The following ARHGAP42 variants were observed in gnomAD, a reference collection of about 807,000 sequenced individuals.
The protein encoded by ARHGAP42 is Rho GTPase activating protein 42.
A neutral mutation model predicts 125.0 loss-of-function variants in ARHGAP42; 63 were observed. The observed-to-expected ratio is 0.50, with a 90% confidence interval of 0.41 to 0.62. The LOEUF (loss-of-function observed/expected upper bound fraction) is 0.62, where lower values mean the gene tolerates loss of function less well. ARHGAP42 is among the 20% of genes least tolerant of loss of function. The pLI, the probability that ARHGAP42 is intolerant of heterozygous loss-of-function variation, is 0.00. For missense variants in ARHGAP42, 766 were observed against 1,024.2 expected (o/e 0.75, Z 3.44); for synonymous variants, 339 against 351.0 (o/e 0.97, Z 0.38).
At chr11:100,871,976 C>G (rs1034126812) in intron 4 of ARHGAP42, among the ~76,000 whole-genome samples, 1 of 152,186 alleles carries the variant, frequency 6.6e-6, no homozygotes, top group Non-Finnish European at 1.5e-5. Flanking sequence ...CTCCTGACCT[C>G]GGGTGATCCG....
chr11:100,838,703 C>CA (rs1425201376), intron 3 of ARHGAP42, among the ~76,000 whole-genome samples: 2 of 145,500 alleles, frequency 1.4e-5, no homozygotes, highest in African/African-American at 5.0e-5. Flanking sequence ...AAAAACAAAA[C>CA]AAAATAAAAC....
intron 3 of ARHGAP42, among the ~76,000 whole-genome samples, chr11:100,841,038 A>G (rs1283644494): frequency 6.6e-6 from 1 of 152,160 alleles, no homozygotes; most frequent in Non-Finnish European, 1.5e-5. Context: ...CATGTGAAGA[A>G]CAGATTCATT....
rs779856225 is a variant in ARHGAP42, at chr11:100,992,658, C to T, written c.*3857C>T. The T allele has an allele frequency of 3.7e-6, 6 of 1,609,836 alleles. No homozygotes were observed. The highest frequency in any genetic ancestry group is 2.2e-5 in the East Asian group (1 of 44,834). On this transcript the variant is annotated 3_prime_UTR_variant, in exon 24 of 24. Transcript: ENST00000298815. The stretch of plus-strand genomic sequence containing the variant: ...CCCCTGCTTCAAAATGTGCCAGTTC[C>T]ACTTGGTAATAACGTTGGGAAAATG...
intron 4 of ARHGAP42, among the ~76,000 whole-genome samples, chr11:100,894,222 T>G (rs1866287353): frequency 1.3e-5 from 2 of 152,238 alleles, no homozygotes; most frequent in Non-Finnish European, 2.9e-5. Context: ...GTGTAAGGTA[T>G]GCCCAGCCCT....
intron 3 of ARHGAP42, among the ~76,000 whole-genome samples, chr11:100,845,642 G>A (rs1865048058): frequency 6.6e-6 from 1 of 152,148 alleles, no homozygotes; most frequent in Non-Finnish European, 1.5e-5. Context: ...AATAAAGGCT[G>A]AAGAAAACCT....
At chr11:100,918,353 G>A (rs1867133913) in intron 5 of ARHGAP42, among the ~76,000 whole-genome samples, 1 of 152,048 alleles carries the variant, frequency 6.6e-6, no homozygotes, top group Non-Finnish European at 1.5e-5. Flanking sequence ...GCCTTTCCCT[G>A]TCTTTTGAAT....
intron 3 of ARHGAP42, among the ~76,000 whole-genome samples, chr11:100,796,431 C>T (rs1739288489): frequency 6.6e-6 from 1 of 152,150 alleles, no homozygotes; most frequent in Non-Finnish European, 1.5e-5. Context: ...CTTACAGTGG[C>T]CTCTAAGTGT....
intron 7 of ARHGAP42, among the ~76,000 whole-genome samples, chr11:100,934,977 A>G (rs1565283425): frequency 6.6e-6 from 1 of 152,134 alleles, no homozygotes; most frequent in Non-Finnish European, 1.5e-5. Flanking sequence ...AAGCTGACGT[A>G]TTTTTATGAT....
chr11:100,838,058 T>C (rs1864857622), intron 3 of ARHGAP42, among the ~76,000 whole-genome samples: 1 of 151,700 alleles, frequency 6.6e-6, no homozygotes, highest in Non-Finnish European at 1.5e-5. Context: ...CCTCAGTTCC[T>C]GAGTCTGTCT....
In ARHGAP42 at chr11:100,960,832, T is replaced by C. The variant is rs12291372; in HGVS notation, c.1226-83T>C. ...TGGATAAGTAGCTTTCAAATTTTGTTAGGCATATGTCTGAGTTTTTAACAT... is the reference window on the plus strand; with the variant it reads ...TGGATAAGTAGCTTTCAAATTTTGTCAGGCATATGTCTGAGTTTTTAACAT... On this transcript the variant is annotated intron_variant, in intron 13 of 23. Transcript: ENST00000298815. 3.4e-3 allele frequency: 2,728 copies of C among 809,946 alleles called. 47 individuals are homozygous for C. In the African/African-American group the frequency reaches 0.042, roughly 13 times the overall value. The allele number at this position is 809,946 out of a possible 1,614,324, so 50.2% of individuals were successfully genotyped here.
intron 6 of ARHGAP42, among the ~76,000 whole-genome samples, chr11:100,921,904 A>G (rs1247140898): frequency 2.0e-5 from 3 of 151,868 alleles, no homozygotes; most frequent in Non-Finnish European, 1.5e-5. Context: ...ATGTATTAGC[A>G]TTGTTTCATC....
At chr11:100,820,575 A>G (rs1442611047) in intron 3 of ARHGAP42, among the ~76,000 whole-genome samples, 4 of 152,146 alleles carry the variant, frequency 2.6e-5, no homozygotes, top group Non-Finnish European at 5.9e-5. Context: ...ATTATAGCTA[A>G]TAGATCAGTT....
chr11:100,747,141 A>G (rs1431831007), intron 1 of ARHGAP42, among the ~76,000 whole-genome samples: 1 of 152,188 alleles, frequency 6.6e-6, no homozygotes, highest in Admixed American at 6.5e-5. Context: ...AGGGAGGAGA[A>G]GGTGGAGGAT....
intron 8 of ARHGAP42, among the ~76,000 whole-genome samples, chr11:100,937,111 G>A (rs1867758028): frequency 6.6e-6 from 1 of 152,182 alleles, no homozygotes; most frequent in Non-Finnish European, 1.5e-5. Context: ...TTGTTGGAGA[G>A]CAGGACACAC....
At chr11:100,822,810 A>G (rs981066218) in intron 3 of ARHGAP42, among the ~76,000 whole-genome samples, 3 of 152,154 alleles carry the variant, frequency 2.0e-5, no homozygotes, top group African/African-American at 4.8e-5. Flanking sequence ...AAAGGGTGGG[A>G]GACATCTTTA....
At position 100,989,504 on chromosome 11, in the gene ARHGAP42, G is replaced by A. The variant is rs985995811; in HGVS notation, c.*703G>A. The A allele has an allele frequency of 2.8e-5, 5 of 180,058 alleles. No homozygotes were observed. The highest frequency in any genetic ancestry group is 1.2e-4 in the African/African-American group (5 of 42,784). 11.2% of individuals were successfully genotyped at this position (180,058 alleles called of 1,614,324 possible). A position where few individuals can be genotyped will look rare whatever the true frequency, so the allele number is the denominator to read the frequency against. On this transcript the variant is annotated 3_prime_UTR_variant, in exon 24 of 24. Transcript: ENST00000298815. ...AAGGCCTGATAGCAAATATTTTTGT[G>A]GTGGGTTGAATTTGGCTTATGGGTT...
intron 6 of ARHGAP42, among the ~76,000 whole-genome samples, 183 bp downstream of exon 6, chr11:100,921,787 A>G (rs1036843358): frequency 6.6e-6 from 1 of 152,174 alleles, no homozygotes; most frequent in African/African-American, 2.4e-5. Flanking sequence ...TCTTTTGTAC[A>G]ATAGAGTAGT....
At chr11:100,916,170 G>A (rs1392935809) in intron 5 of ARHGAP42, among the ~76,000 whole-genome samples, 2 of 152,166 alleles carry the variant, frequency 1.3e-5, no homozygotes, top group Non-Finnish European at 2.9e-5. Flanking sequence ...AACAGTTGGA[G>A]AATCAGAAGC....
chr11:100,769,833 G>C (rs934636558), intron 1 of ARHGAP42, among the ~76,000 whole-genome samples: 6 of 150,738 alleles, frequency 4.0e-5, no homozygotes, highest in African/African-American at 1.2e-4. Context: ...GCCAGGGGGA[G>C]GTGTAGGGGG....
Sources: allele counts gnomAD v4.1 joint callset (sites outside exome capture counted in the v4.1 genomes callset), GRCh38; gene constraint gnomAD v4.1.1; transcripts MANE v1.5; gene names NCBI Gene and HGNC (gene_info 2026-07-23, HGNC 2026-07-21).